The following PEAK1 variants were observed in gnomAD, a reference collection of about 807,000 sequenced individuals.
PEAK1 encodes the protein pseudopodium enriched atypical kinase 1.
Under a neutral mutation model 124.7 loss-of-function variants are expected in PEAK1, and 54 were observed. The ratio of observed to expected loss-of-function variants is 0.43; its 90% CI spans 0.35 to 0.54. PEAK1 has a LOEUF of 0.54. Ranked by LOEUF, PEAK1 falls within the 20% of genes least tolerant of loss-of-function variation. The probability of loss-of-function intolerance (pLI) is 0.01; values close to 1 mark genes in which losing one functional copy is unlikely to be tolerated. For synonymous variants in PEAK1, 719 were observed against 760.0 expected (o/e 0.95, Z 0.89); for missense variants, 2,046 against 2,134.5 (o/e 0.96, Z 0.82).
Position 77,252,477 on chromosome 15 carries a change from C to T in PEAK1, c.-225G>A, listed in dbSNP as rs1393010460. Reference sequence around the variant, plus strand: ...CTTTGGGTCTTTCCAAGATGAATGTCCTTTCTTCCTTGCCTCTCATTCCTT... The same window carrying T: ...CTTTGGGTCTTTCCAAGATGAATGTTCTTTCTTCCTTGCCTCTCATTCCTT... On this transcript the variant is annotated 5_prime_UTR_variant, in exon 6 of 10. Coordinates refer to ENST00000682557, the MANE Select transcript of PEAK1 (RefSeq NM_001385026.1). The T allele has an allele frequency of 1.0e-6, 1 of 984,996 alleles. No individual in the cohort carries two copies. The highest frequency in any genetic ancestry group is 1.2e-6 in the Non-Finnish European group (1 of 829,652). The allele number at this position is 984,996 out of a possible 1,614,324, so 61.0% of individuals were successfully genotyped here.
At chr15:77,271,716 G>A (rs971414181) in intron 5 of PEAK1, among the ~76,000 whole-genome samples, 15 of 152,112 alleles carry the variant, frequency 9.9e-5, no homozygotes, top group African/African-American at 3.4e-4. Context: ...TCACTCATAG[G>A]TGGCAACTGA....
intron 2 of PEAK1, among the ~76,000 whole-genome samples, chr15:77,293,602 C>G (rs1025732540): frequency 1.3e-5 from 2 of 152,202 alleles, no homozygotes; most frequent in African/African-American, 2.4e-5. Context: ...CTTCCATGTG[C>G]TTCCACAGTA....
chr15:77,221,586 T>C (rs139883538), intron 6 of PEAK1, among the ~76,000 whole-genome samples: 4 of 152,212 alleles, frequency 2.6e-5, no homozygotes, highest in Admixed American at 6.6e-5. Flanking sequence ...ATAATATAGC[T>C]AATAGGTTAT....
At chr15:77,388,390 T>C (rs2070143025) in intron 1 of PEAK1, among the ~76,000 whole-genome samples, 1 of 152,204 alleles carries the variant, frequency 6.6e-6, no homozygotes, top group South Asian at 2.1e-4. Context: ...TATCAGAACT[T>C]TTAGTGTATT....
rs547848435 is a variant in PEAK1, at chr15:77,350,207, G to A, written c.-603+14956C>T. ...AACTGGCAACACTGTTGTTGGGTAG[G>A]TGAGAACACAAAAGAACAATAAATC... On this transcript the variant is annotated intron_variant, in intron 2 of 9. Transcript: ENST00000682557. 2.2e-3 allele frequency: 2,164 copies of A among 985,296 alleles called. 2 individuals carry two copies. Among genetic ancestry groups the A allele is most frequent in the Non-Finnish European group, 2.5e-3 (2,081 of 829,934 alleles). 61.0% of individuals were successfully genotyped at this position (985,296 alleles called of 1,614,324 possible). A position where few individuals can be genotyped will look rare whatever the true frequency, so the allele number is the denominator to read the frequency against.
chr15:77,202,837 G>A (rs1296093219), intron 6 of PEAK1, among the ~76,000 whole-genome samples: 2 of 151,810 alleles, frequency 1.3e-5, no homozygotes, highest in African/African-American at 2.4e-5. Context: ...AGGAGTTCAA[G>A]AGCAGCCTAG....
intron 6 of PEAK1, among the ~76,000 whole-genome samples, chr15:77,246,573 C>T (rs1461671103): frequency 1.3e-5 from 2 of 152,080 alleles, no homozygotes; most frequent in Non-Finnish European, 2.9e-5. Context: ...TATCTCTTTA[C>T]TGGGATTTTC....
At chr15:77,413,478 T>C (rs1233853228) in intron 1 of PEAK1, among the ~76,000 whole-genome samples, 1 of 152,136 alleles carries the variant, frequency 6.6e-6, no homozygotes, top group Non-Finnish European at 1.5e-5. Context: ...TTTGCAGTAC[T>C]CTCCCCCAAA....
At chr15:77,409,748 A>G (rs2072239263) in intron 1 of PEAK1, among the ~76,000 whole-genome samples, 2 of 152,212 alleles carry the variant, frequency 1.3e-5, no homozygotes, top group Non-Finnish European at 2.9e-5. Flanking sequence ...AAAAACCTTA[A>G]GATACTAGCC....
intron 1 of PEAK1, chr15:77,401,459 C>T: frequency 2.2e-6 from 2 of 910,536 alleles, no homozygotes; most frequent in Non-Finnish European, 2.6e-6. Flanking sequence ...GGACCAGACA[C>T]CATGACAGTC....
chr15:77,196,731 A>C (rs1049421174), intron 6 of PEAK1, among the ~76,000 whole-genome samples: 3 of 152,246 alleles, frequency 2.0e-5, no homozygotes, highest in Admixed American at 6.5e-5. Flanking sequence ...ACTGAATAAC[A>C]GCCTAAATAT....
chr15:77,350,611 A>G, intron 2 of PEAK1: 2 of 147,260 alleles, frequency 1.4e-5, no homozygotes, highest in Non-Finnish European at 2.5e-5. Flanking sequence ...AGATTCAAGT[A>G]AAAAAAAAAA....
At chr15:77,355,722 G>A (rs2067476714) in intron 2 of PEAK1, 7 of 974,776 alleles carry the variant, frequency 7.2e-6, no homozygotes, top group Non-Finnish European at 8.5e-6. Flanking sequence ...ATTTTGGGGG[G>A]TCCAGATTAA....
intron 6 of PEAK1, among the ~76,000 whole-genome samples, chr15:77,236,357 G>A (rs1027088060): frequency 8.5e-5 from 13 of 152,228 alleles, no homozygotes; most frequent in African/African-American, 1.4e-4. Context: ...AATGTGAGAC[G>A]TGGAATCAAA....
intron 5 of PEAK1, among the ~76,000 whole-genome samples, chr15:77,280,495 C>T (rs993941296): frequency 1.3e-5 from 2 of 151,754 alleles, no homozygotes; most frequent in African/African-American, 2.4e-5. Context: ...ACCTATATAA[C>T]ACTTGAGGAT....
In PEAK1 at chr15:77,108,433, GA is replaced by G. The variant is rs2152702744; in HGVS notation, c.*5722del. ...CATGATTCAAATCACCAAGTAGAATGAAATCTTGCTTCTGTATTTGCCTCAT... is the reference window on the plus strand; with the variant it reads ...CATGATTCAAATCACCAAGTAGAATGAATCTTGCTTCTGTATTTGCCTCAT... On this transcript the variant is annotated 3_prime_UTR_variant, in exon 10 of 10. Coordinates refer to ENST00000682557, the MANE Select transcript of PEAK1 (RefSeq NM_001385026.1). 6.6e-6 allele frequency: 1 copy of G among 152,312 alleles called. No individual in the cohort carries two copies. The highest frequency in any genetic ancestry group is 2.4e-5 in the African/African-American group (1 of 41,578). The allele number at this position is 152,312 out of a possible 1,614,324, so 9.4% of individuals were successfully genotyped here.
chr15:77,317,795 T>G (rs901482844), intron 2 of PEAK1, among the ~76,000 whole-genome samples: 3 of 152,202 alleles, frequency 2.0e-5, no homozygotes, highest in African/African-American at 4.8e-5. Flanking sequence ...TAGGCAAATG[T>G]TTATTGTAGT....
At chr15:77,148,268 A>C (rs1596349875) in intron 8 of PEAK1, among the ~76,000 whole-genome samples, 1 of 152,334 alleles carries the variant, frequency 6.6e-6, no homozygotes, top group African/African-American at 2.4e-5. Context: ...GAAGGAGGGT[A>C]ATCAAGGCCT....
chr15:77,262,193 T>C (rs2061476876), intron 5 of PEAK1, among the ~76,000 whole-genome samples: 1 of 152,124 alleles, frequency 6.6e-6, no homozygotes, highest in East Asian at 1.9e-4. Context: ...AGGAAGAAAT[T>C]GCATCAACTA....
Sources: allele counts gnomAD v4.1 joint callset (sites outside exome capture counted in the v4.1 genomes callset), GRCh38; gene constraint gnomAD v4.1.1; transcripts MANE v1.5; gene names NCBI Gene and HGNC (gene_info 2026-07-23, HGNC 2026-07-21).